The following PLEKHG4 variants were observed in gnomAD, a reference collection of about 807,000 sequenced individuals.
The protein encoded by PLEKHG4 is pleckstrin homology and RhoGEF domain containing G4, also known as puratrophin-1.
PLEKHG4 carries 85 observed loss-of-function variants against 136.9 expected under a neutral mutation model. The ratio of observed to expected loss-of-function variants is 0.62; its 90% CI spans 0.52 to 0.74. PLEKHG4 has a LOEUF of 0.74. Among genes scored for constraint, PLEKHG4 ranks in the 30% least tolerant of loss-of-function variants. PLEKHG4 has a pLI of 0.00. For missense variants in PLEKHG4, 1,317 were observed against 1,527.8 expected (o/e 0.86, Z 2.30); for synonymous variants, 577 against 646.9 (o/e 0.89, Z 1.64).
At position 67,286,561 on chromosome 16, in the gene PLEKHG4, C is replaced by T. The variant is rs1471136623; in HGVS notation, c.2649C>T (p.Gly883=). 7.7e-6 allele frequency: 12 copies of T among 1,564,680 alleles called. No individual in the cohort carries two copies. Among genetic ancestry groups the T allele is most frequent in the African/African-American group, 2.7e-5 (2 of 73,646 alleles). Residue 883 remains glycine, a synonymous_variant, in exon 16 of 22, where the codon GGC becomes GGT. Coordinates refer to ENST00000379344, the MANE Select transcript of PLEKHG4 (RefSeq NM_001129729.3). ...AGGAGCTGGCACGGGCCTGCGGGGG[C>T]CCCACGCAGGAGCTCAGTGCGCTGC... ...LLQELARACG[G]PTQELSALRE...
chr16:67,282,771 G>A lies in PLEKHG4; in HGVS notation c.1422G>A (p.Trp474Ter), dbSNP rs1388607695. The part of the protein sequence containing the change: ...QIEVWLQQVG[W>*]PALEEAGEPS... The stretch of plus-strand genomic sequence containing the variant: ...AAGTGTGGCTGCAGCAGGTGGGCTG[G>A]CCAGCACTGGAGGAGGCTGGGGAGC... The change falls in exon 11 of 22, where the codon TGG (tryptophan) becomes TGA (stop). Residue 474 changes from tryptophan (W) to a stop codon, truncating the protein, a stop_gained. Transcript: ENST00000379344. LOFTEE classifies it high-confidence loss of function. 1.2e-6 allele frequency: 2 copies of A among 1,613,384 alleles called. No homozygotes were observed. Among genetic ancestry groups the A allele is most frequent in the Non-Finnish European group, 1.7e-6 (2 of 1,180,024 alleles).
At chr16:67,282,894 G>A (rs760052295) in intron 11 of PLEKHG4, 36 bp downstream of exon 11, 1 of 1,413,118 alleles carries the variant, frequency 7.1e-7, no homozygotes, top group African/African-American at 1.4e-5. Context: ...ACGGGTATTG[G>A]GATGCAATGC....
In PLEKHG4 at chr16:67,289,473, G is replaced by A; in HGVS notation, c.*665G>A. The A allele has an allele frequency of 1.4e-6, 1 of 711,902 alleles. No homozygotes were observed. Among genetic ancestry groups the A allele is most frequent in the Non-Finnish European group, 2.5e-6 (1 of 394,538 alleles). The allele number at this position is 711,902 out of a possible 1,614,324, so 44.1% of individuals were successfully genotyped here. ...ATTTGTTTATAATAAAAAATAGACT[G>A]ATATGTACCCTCTGATGGGCACATG... is the stretch of plus-strand genomic sequence containing the variant. On this transcript the variant is annotated 3_prime_UTR_variant, in exon 22 of 22. Coordinates refer to ENST00000379344, the MANE Select transcript of PLEKHG4 (RefSeq NM_001129729.3).
At chr16:67,278,469 C>G (rs1250785593), upstream of PLEKHG4, 1 of 152,208 alleles carries the variant, frequency 6.6e-6, no homozygotes, top group African/African-American at 2.4e-5. Flanking sequence ...GGCTCAGGGT[C>G]TTCTCCTGGT....
intron 14 of PLEKHG4, 94 bp downstream of exon 14, chr16:67,285,630 G>GTA: frequency 7.0e-7 from 1 of 1,438,172 alleles, no homozygotes; most frequent in Non-Finnish European, 9.7e-7. Context: ...TGTGCTATGA[G>GTA]TATAGCTATG....
chr16:67,280,460 C>T lies in PLEKHG4; in HGVS notation c.416C>T (p.Ser139Phe), dbSNP rs2036160273. 2 of 1,600,356 alleles carry T rather than the reference C, an allele frequency of 1.2e-6. No homozygotes were observed. Among genetic ancestry groups the T allele is most frequent in the African/African-American group, 1.3e-5 (1 of 74,492 alleles). Residue 139 changes from serine (S) to phenylalanine (F), a missense_variant, in exon 2 of 22, where the codon TCT becomes TTT. By Grantham distance (155) the Ser-to-Phe change is radical. Transcript: ENST00000379344. The surrounding 1 kb of genome is among the most constrained non-coding windows in gnomAD (Gnocchi z 4.4). ...CCAGGTCCAAGCAGGGCGATGCCAT[C>T]TGGCTTGAGCCCTGGGGCATTGGAC... ...GDPGPSRAMP[S>F]GLSPGALDSD...
chr16:67,287,667 A>G, intron 18 of PLEKHG4: 1 of 596,212 alleles, frequency 1.7e-6, no homozygotes, highest in Non-Finnish European at 3.0e-6. Context: ...TGTTGGGATT[A>G]CAGGCGTGAG....
At chr16:67,286,192 C>G (rs1477483276) in intron 14 of PLEKHG4, 82 bp from the exon 15 acceptor site, 2 of 1,004,362 alleles carry the variant, frequency 2.0e-6, no homozygotes, top group Non-Finnish European at 3.2e-6. Context: ...TTTTGGTCCT[C>G]TCAAGCTGAG....
At position 67,285,081 on chromosome 16, in the gene PLEKHG4, T is replaced by C. The variant is rs552802525; in HGVS notation, c.2061T>C (p.Ser687=). ...ATCGGAATCTGGGGCAGAGTCTCAG[T>C]GAACCTGCCTGCCACTGCCACCATG... ...SFDRNLGQSL[S]EPACHCHHAA... The change falls in exon 13 of 22, where the codon AGT becomes AGC. Residue 687 remains serine, a synonymous_variant. Transcript: ENST00000379344. The C allele has an allele frequency of 5.6e-6, 9 of 1,613,268 alleles. No individual in the cohort carries two copies. The Admixed American group carries it at 1.0e-4, about 18-fold the overall frequency.
chr16:67,283,775 G>A (rs917243475), intron 11 of PLEKHG4, among the ~76,000 whole-genome samples: 4 of 152,164 alleles, frequency 2.6e-5, no homozygotes, highest in Non-Finnish European at 5.9e-5. Context: ...TAGCTGGAGA[G>A]GATCACTTGG....
In PLEKHG4 at chr16:67,288,553, C is replaced by T; in HGVS notation, c.3519C>T (p.Ser1173=). ...PSASGSSGSD[S]SCVSGQALGR... ...CCAGTGGCTCCAGTGGCTCTGACAG[C>T]AGCTGTGTGTCAGGGCAGGCCCTGG... The change falls in exon 21 of 22, where the codon AGC becomes AGT. Residue 1173 remains serine, a synonymous_variant. Transcript: ENST00000379344. 6.2e-7 allele frequency: 1 copy of T among 1,613,688 alleles called. No homozygotes were observed. Among genetic ancestry groups the T allele is most frequent in the East Asian group, 2.2e-5 (1 of 44,882 alleles).
At position 67,288,558 on chromosome 16, in the gene PLEKHG4, G is replaced by A; in HGVS notation, c.3524G>A (p.Cys1175Tyr). ...ASGSSGSDSSCVSGQALGRGL... is the reference protein window; with the variant it reads ...ASGSSGSDSSYVSGQALGRGL... ...GGCTCCAGTGGCTCTGACAGCAGCT[G>A]TGTGTCAGGGCAGGCCCTGGGTAGG... Residue 1175 changes from cysteine (C) to tyrosine (Y), a missense_variant, in exon 21 of 22, where the codon TGT (cysteine) becomes TAT (tyrosine). Coordinates refer to ENST00000379344, the MANE Select transcript of PLEKHG4 (RefSeq NM_001129729.3). 6.2e-7 allele frequency: 1 copy of A among 1,613,898 alleles called. No individual in the cohort carries two copies. The highest frequency in any genetic ancestry group is 8.5e-7 in the Non-Finnish European group (1 of 1,179,710).
In PLEKHG4 at chr16:67,282,317, G is replaced by A; in HGVS notation, c.1221G>A (p.Glu407=). The part of the protein sequence containing the change: ...GGRELTWLKQ[E]VPEVTLSPDY... ...GGGAGCTGACATGGCTGAAGCAAGA[G>A]GTCCCAGAGGTGACCCTGAGCCCAG... Residue 407 remains glutamate (E), a synonymous_variant, in exon 9 of 22, where the codon GAG becomes GAA. Coordinates refer to ENST00000379344, the MANE Select transcript of PLEKHG4 (RefSeq NM_001129729.3). The A allele has an allele frequency of 6.2e-7, 1 of 1,612,996 alleles. No individual in the cohort carries two copies. The highest frequency in any genetic ancestry group is 8.5e-7 in the Non-Finnish European group (1 of 1,179,916).
rs2142463097 is a variant in PLEKHG4, at chr16:67,285,214, A to C, written c.2194A>C (p.Arg732=). ...PGSSDPRSLN[R]LQLVLAEMVA... is the part of the protein sequence containing the mutation. ...CAGCTCTGACCCCAGGAGCCTCAAC[A>C]GGTATGGGCAGTAGGCAGGGCGGGG... Residue 732 remains arginine, a splice_region_variant and synonymous_variant, in exon 13 of 22, where the codon AGG becomes CGG. Coordinates refer to ENST00000379344, the MANE Select transcript of PLEKHG4 (RefSeq NM_001129729.3). The C allele has an allele frequency of 6.2e-7, 1 of 1,613,718 alleles. No homozygotes were observed. Among genetic ancestry groups the C allele is most frequent in the South Asian group, 1.1e-5 (1 of 91,088 alleles).
chr16:67,289,045 T>C lies in PLEKHG4; in HGVS notation c.*237T>C, dbSNP rs553429109. 4 of 628,786 alleles carry C rather than the reference T, an allele frequency of 6.4e-6. No homozygotes were observed. The highest frequency in any genetic ancestry group is 1.8e-5 in the African/African-American group (1 of 55,490). The allele number at this position is 628,786 out of a possible 1,614,324, so 39.0% of individuals were successfully genotyped here. A position where few individuals can be genotyped will look rare whatever the true frequency, so the allele number is the denominator to read the frequency against. ...CTCCTGGCCCCATGACCCCTTCTCC[T>C]GTCCCCAGCTCCCATCCCAGTTGTG... is the stretch of plus-strand genomic sequence containing the variant. On this transcript the variant is annotated 3_prime_UTR_variant, in exon 22 of 22. Transcript: ENST00000379344.
chr16:67,278,441 G>A (rs2036066168), upstream of PLEKHG4: 1 of 152,184 alleles, frequency 6.6e-6, no homozygotes, highest in Non-Finnish European at 1.5e-5. Flanking sequence ...AGGGACCATG[G>A]GCCTGGGCAC....
Position 67,281,112 on chromosome 16 carries a change from A to G in PLEKHG4, c.741A>G (p.Gly247=). The G allele has an allele frequency of 6.2e-7, 1 of 1,614,088 alleles. No homozygotes were observed. Among genetic ancestry groups the G allele is most frequent in the Non-Finnish European group, 8.5e-7 (1 of 1,179,984 alleles). Reference sequence around the variant, plus strand: ...TTAGGCCCGAAGTACAGGCACTGGGACTGACAGTGCTAGTTGATGCCCGAA... The same window carrying G: ...TTAGGCCCGAAGTACAGGCACTGGGGCTGACAGTGCTAGTTGATGCCCGAA... The part of the protein sequence containing the change: ...SIPRPEVQAL[G]LTVLVDARIC... The change falls in exon 5 of 22, where the codon GGA becomes GGG. Residue 247 remains glycine, a synonymous_variant. Transcript: ENST00000379344.
At chr16:67,279,024 C>A (rs2036084387), upstream of PLEKHG4, 1 of 152,136 alleles carries the variant, frequency 6.6e-6, no homozygotes, top group Admixed American at 6.5e-5. Context: ...CTCTGGGTGC[C>A]CGCGGCGAGG....
intron 10 of PLEKHG4, 30 bp from the exon 11 acceptor site, chr16:67,282,712 C>G (rs760341615): frequency 6.2e-7 from 1 of 1,613,398 alleles, no homozygotes; most frequent in South Asian, 1.1e-5. Context: ...TAGCAGCTCT[C>G]TTCACTTTTC....
Sources: allele counts gnomAD v4.1 joint callset (sites outside exome capture counted in the v4.1 genomes callset), GRCh38; gene constraint gnomAD v4.1.1; non-coding constraint Gnocchi (gnomAD v3.1); transcripts MANE v1.5; gene names NCBI Gene and HGNC (gene_info 2026-07-23, HGNC 2026-07-21).